The following ARPP21 variants were observed in gnomAD, a reference collection of about 807,000 sequenced individuals.
ARPP21 encodes the protein cAMP-regulated phosphoprotein 21.
Under a neutral mutation model 113.2 loss-of-function variants are expected in ARPP21, and 69 were observed. The observed-to-expected ratio is 0.61, with a 90% CI of 0.50 to 0.74. The LOEUF is 0.74. ARPP21 is among the 30% of genes least tolerant of loss of function. The pLI is 0.00. For synonymous variants in ARPP21, 368 were observed against 375.5 expected (o/e 0.98, Z 0.23); for missense variants, 1,070 against 1,037.4 (o/e 1.03, Z -0.43).
intron 13 of ARPP21, among the ~76,000 whole-genome samples, chr3:35,720,400 A>G (rs2092936161): frequency 6.6e-6 from 1 of 152,192 alleles, no homozygotes; most frequent in African/African-American, 2.4e-5. Context: ...TGTCTGTACA[A>G]TTTTGTCGGT....
At chr3:35,685,040 T>C in intron 5 of ARPP21, 1 of 985,012 alleles carries the variant, frequency 1.0e-6, no homozygotes. Context: ...GCTTGTAATG[T>C]ACTGCACACA....
At chr3:35,715,142 G>A (rs983576319) in intron 11 of ARPP21, 8 of 269,078 alleles carry the variant, frequency 3.0e-5, no homozygotes, top group Admixed American at 4.8e-5. Flanking sequence ...GGAATCCGAC[G>A]GCCACACGTT....
intron 19 of ARPP21, among the ~76,000 whole-genome samples, chr3:35,772,277 A>G (rs1271964070): frequency 1.3e-5 from 2 of 152,224 alleles, no homozygotes; most frequent in African/African-American, 4.8e-5. Context: ...GCTGAAAAAA[A>G]TTGTGTCATA....
intron 14 of ARPP21, among the ~76,000 whole-genome samples, chr3:35,722,719 G>A (rs962350527): frequency 6.6e-6 from 1 of 152,116 alleles, no homozygotes; most frequent in African/African-American, 2.4e-5. Flanking sequence ...AGAGATCTAG[G>A]AGAGCCATTA....
At chr3:35,731,883 A>G (rs925527634) in intron 15 of ARPP21, among the ~76,000 whole-genome samples, 3 of 152,158 alleles carry the variant, frequency 2.0e-5, no homozygotes, top group African/African-American at 7.2e-5. Flanking sequence ...TCTCATTTGA[A>G]CTGCCCTTGG....
intron 1 of ARPP21, among the ~76,000 whole-genome samples, chr3:35,678,600 T>A (rs1367195493): frequency 6.6e-6 from 1 of 151,940 alleles, no homozygotes; most frequent in Non-Finnish European, 1.5e-5. Context: ...TCCATCTTCA[T>A]AAAACATGAA....
intron 1 of ARPP21, among the ~76,000 whole-genome samples, chr3:35,667,517 A>G (rs145120920): frequency 6.6e-6 from 1 of 152,178 alleles, no homozygotes; most frequent in African/African-American, 2.4e-5. Context: ...AACTTATGTG[A>G]GAGAGGGTTA....
At chr3:35,685,334 GGAGAGAAT>G in intron 5 of ARPP21, 1 of 985,388 alleles carries the variant, frequency 1.0e-6, no homozygotes, top group Non-Finnish European at 1.2e-6. Context: ...TAGCTTTGTA[GGAGAGAAT>G]GAGAGCCTGC....
chr3:35,672,852 T>C (rs1403041754), intron 1 of ARPP21, among the ~76,000 whole-genome samples: 1 of 152,060 alleles, frequency 6.6e-6, no homozygotes, highest in Non-Finnish European at 1.5e-5. Flanking sequence ...TTCCCTGCTG[T>C]AGGCTAGCAA....
intron 19 of ARPP21, among the ~76,000 whole-genome samples, chr3:35,773,276 A>G (rs972562719): frequency 1.3e-5 from 2 of 152,148 alleles, no homozygotes; most frequent in Non-Finnish European, 2.9e-5. Flanking sequence ...AGGGTATTAC[A>G]TGGCTTAATC....
At chr3:35,670,357 A>T (rs1359044807) in intron 1 of ARPP21, among the ~76,000 whole-genome samples, 2 of 152,024 alleles carry the variant, frequency 1.3e-5, no homozygotes, top group Non-Finnish European at 2.9e-5. Context: ...TTCTCCTTCA[A>T]ACAAGAATGT....
intron 9 of ARPP21, among the ~76,000 whole-genome samples, chr3:35,692,338 C>A (rs1252941712): frequency 6.6e-6 from 1 of 151,620 alleles, no homozygotes; most frequent in Non-Finnish European, 1.5e-5. Flanking sequence ...CTTTTAGAAT[C>A]CTTTATATCT....
intron 1 of ARPP21, among the ~76,000 whole-genome samples, chr3:35,670,625 A>G (rs1001373730): frequency 1.3e-5 from 2 of 152,100 alleles, no homozygotes; most frequent in Non-Finnish European, 2.9e-5. Flanking sequence ...GCATTGCCAC[A>G]GATGGACCCA....
intron 19 of ARPP21, among the ~76,000 whole-genome samples, chr3:35,769,983 C>G (rs1343439732): frequency 6.6e-6 from 1 of 152,182 alleles, no homozygotes; most frequent in African/African-American, 2.4e-5. Flanking sequence ...GAAGAAGTTT[C>G]ACAATCCAGG....
chr3:35,751,415 C>T (rs2095400194), intron 19 of ARPP21, among the ~76,000 whole-genome samples: 1 of 152,098 alleles, frequency 6.6e-6, no homozygotes, highest in South Asian at 2.1e-4. Flanking sequence ...AAAACCCATG[C>T]AGCTTTTATG....
intron 9 of ARPP21, among the ~76,000 whole-genome samples, chr3:35,706,202 T>A (rs1328610927): frequency 1.3e-5 from 2 of 152,172 alleles, no homozygotes; most frequent in Non-Finnish European, 2.9e-5. Flanking sequence ...GTCCAGATCA[T>A]TCATTGAGTT....
intron 19 of ARPP21, among the ~76,000 whole-genome samples, chr3:35,745,896 G>A (rs535648494): frequency 1.8e-4 from 27 of 152,026 alleles, no homozygotes; most frequent in Admixed American, 2.6e-4. Context: ...CCACATCACC[G>A]CAAAAATGAC....
At chr3:35,691,179 A>G (rs1198494277) in intron 9 of ARPP21, among the ~76,000 whole-genome samples, 174 bp downstream of exon 9, 3 of 151,712 alleles carry the variant, frequency 2.0e-5, no homozygotes, top group Non-Finnish European at 4.4e-5. Context: ...CTGAGAACCA[A>G]GAAAGTTTAT....
intron 1 of ARPP21, among the ~76,000 whole-genome samples, chr3:35,668,923 T>C (rs2075639878): frequency 6.6e-6 from 1 of 152,142 alleles, no homozygotes; most frequent in African/African-American, 2.4e-5. Flanking sequence ...TACGGGGAAA[T>C]GCTATTCTTA....
Sources: gnomAD v4.1 joint callset for allele counts (sites outside exome capture counted in the v4.1 genomes callset) on GRCh38, gnomAD v4.1.1 for gene constraint, MANE v1.5 for transcripts, NCBI Gene and HGNC (gene_info 2026-07-23, HGNC 2026-07-21) for gene names.